Variants in OSBPL8 observed in about 807,000 individuals in gnomAD.
OSBPL8 encodes the protein oxysterol binding protein like 8.
OSBPL8 carries 59 observed loss-of-function variants against 125.5 expected under a neutral mutation model. That is an observed-to-expected ratio of 0.47 (90% CI 0.38 to 0.58). OSBPL8 has a LOEUF of 0.58. OSBPL8 is among the 20% of genes least tolerant of loss of function. OSBPL8 has a pLI of 0.00. For synonymous variants in OSBPL8, 330 were observed against 338.9 expected, an observed-to-expected ratio of 0.97 and a Z score of 0.29; for missense variants, 758 against 1,047.8, an observed-to-expected ratio of 0.72 and a Z score of 3.82.
chr12:76,503,540 GTTTT>G (rs952951445), intron 1 of OSBPL8, among the ~76,000 whole-genome samples: 1 of 151,546 alleles, frequency 6.6e-6, no homozygotes, highest in African/African-American at 2.4e-5. Flanking sequence ...TAACAAGTAT[GTTTT>G]TTTTTATTTT....
chr12:76,362,075 T>TG (rs1443432715), intron 21 of OSBPL8, among the ~76,000 whole-genome samples: 3 of 152,188 alleles, frequency 2.0e-5, no homozygotes, highest in Non-Finnish European at 2.9e-5. Context: ...TAATATGTAA[T>TG]AAGCAGGCAG....
intron 2 of OSBPL8, among the ~76,000 whole-genome samples, chr12:76,478,956 G>A (rs1565930303): frequency 6.6e-6 from 1 of 152,080 alleles, no homozygotes; most frequent in Non-Finnish European, 1.5e-5. Context: ...GTGATGGCAG[G>A]CGCCTGTAGT....
At chr12:76,364,753 G>A (rs1289816913) in intron 21 of OSBPL8, among the ~76,000 whole-genome samples, 2 of 152,088 alleles carry the variant, frequency 1.3e-5, no homozygotes, top group Admixed American at 1.3e-4. Flanking sequence ...TAAGTACCAC[G>A]TTCCTTTGAT....
intron 1 of OSBPL8, among the ~76,000 whole-genome samples, chr12:76,558,993 G>A (rs1252410335): frequency 1.3e-5 from 2 of 152,208 alleles, no homozygotes; most frequent in Non-Finnish European, 2.9e-5. Context: ...CTCTGGGGCT[G>A]TCACAGGAAA....
intron 4 of OSBPL8, among the ~76,000 whole-genome samples, chr12:76,438,803 C>T (rs1871820186): frequency 6.6e-6 from 1 of 152,156 alleles, no homozygotes; most frequent in Non-Finnish European, 1.5e-5. Context: ...CCCATCCTTG[C>T]ACTCCTGGAA....
intron 18 of OSBPL8, among the ~76,000 whole-genome samples, chr12:76,373,044 C>T (rs1190535260): frequency 6.6e-6 from 1 of 152,100 alleles, no homozygotes; most frequent in Non-Finnish European, 1.5e-5. Context: ...ATATACTCAC[C>T]TCATAGCGTT....
chr12:76,544,990 C>T (rs1240006925), intron 1 of OSBPL8, among the ~76,000 whole-genome samples: 1 of 152,128 alleles, frequency 6.6e-6, no homozygotes, highest in African/African-American at 2.4e-5. Flanking sequence ...TCCAAACTCT[C>T]CATTTTACTA....
At chr12:76,524,277 T>C (rs1364507980) in intron 1 of OSBPL8, among the ~76,000 whole-genome samples, 2 of 152,172 alleles carry the variant, frequency 1.3e-5, no homozygotes, top group Non-Finnish European at 1.5e-5. Context: ...AAAAATTTCA[T>C]AGAAAAAACT....
At chr12:76,414,577 G>A (rs1001158623) in intron 4 of OSBPL8, among the ~76,000 whole-genome samples, 3 of 150,524 alleles carry the variant, frequency 2.0e-5, no homozygotes, top group Non-Finnish European at 3.0e-5. Flanking sequence ...ACAGCCTCCT[G>A]AGTAGCTGAG....
chr12:76,417,075 A>AT (rs571398035), intron 4 of OSBPL8, among the ~76,000 whole-genome samples: 14 of 152,202 alleles, frequency 9.2e-5, no homozygotes, highest in South Asian at 2.1e-4. Context: ...ACTGTCATAT[A>AT]TTGCAAATCT....
chr12:76,435,636 G>A (rs1294561406), intron 4 of OSBPL8, among the ~76,000 whole-genome samples: 1 of 151,882 alleles, frequency 6.6e-6, no homozygotes, highest in Non-Finnish European at 1.5e-5. Flanking sequence ...AGTTGTACAA[G>A]AAATATATAT....
intron 2 of OSBPL8, among the ~76,000 whole-genome samples, chr12:76,472,935 A>G (rs1565925367): frequency 6.6e-6 from 1 of 152,056 alleles, no homozygotes; most frequent in Non-Finnish European, 1.5e-5. Flanking sequence ...CCCCCGGGGA[A>G]AGGGAGACTC....
At chr12:76,419,182 G>A (rs376830187) in intron 4 of OSBPL8, among the ~76,000 whole-genome samples, 6 of 150,490 alleles carry the variant, frequency 4.0e-5, no homozygotes, top group East Asian at 3.9e-4. Flanking sequence ...GCTGCAGTGC[G>A]CCGAGATCAC....
chr12:76,520,384 A>G (rs34658191), intron 1 of OSBPL8, among the ~76,000 whole-genome samples: 31,005 of 152,028 alleles, frequency 0.2, 3,397 homozygotes, highest in Non-Finnish European at 0.26. Context: ...CCCCCATTAG[A>G]TCCAAGGCTC....
At chr12:76,386,345 T>G in intron 13 of OSBPL8, 79 bp from the exon 14 acceptor site, 6 of 1,488,798 alleles carry the variant, frequency 4.0e-6, no homozygotes, top group Non-Finnish European at 5.4e-6. Flanking sequence ...AAAATGGGTT[T>G]AACTCTACCA....
rs181364643 is a variant in OSBPL8, at chr12:76,544,087, C to T, written c.-68+15310G>A. Among the ~76,000 whole-genome samples the T allele has an allele frequency of 5.0e-4, 76 of 152,260 alleles. 1 individual carries two copies. Among genetic ancestry groups the T allele is most frequent in the African/African-American group, 1.8e-3 (75 of 41,560 alleles). ...TATAACTTTAATACAGCAGAATTAA[C>T]ATACAAATAAAGGTCATCTCCATTC... On this transcript the variant is annotated intron_variant, in intron 1 of 23. Transcript: ENST00000261183.
chr12:76,434,085 C>T (rs1188443368), intron 4 of OSBPL8, among the ~76,000 whole-genome samples: 1 of 151,484 alleles, frequency 6.6e-6, no homozygotes, highest in East Asian at 1.9e-4. Flanking sequence ...GGAGGTATCA[C>T]ATTTGCTTAT....
chr12:76,356,130 T>A, intron 23 of OSBPL8, 109 bp from the exon 24 acceptor site: 1 of 694,288 alleles, frequency 1.4e-6, no homozygotes, highest in South Asian at 2.5e-5. Context: ...TAATAATTTT[T>A]AGTTGCTGGG....
At chr12:76,537,646 C>A (rs1211247888) in intron 1 of OSBPL8, among the ~76,000 whole-genome samples, 1 of 152,168 alleles carries the variant, frequency 6.6e-6, no homozygotes, top group Non-Finnish European at 1.5e-5. Context: ...CGGTGGCTCA[C>A]ACCTGTAATC....
Sources: allele counts gnomAD v4.1 joint callset (sites outside exome capture counted in the v4.1 genomes callset), GRCh38; gene constraint gnomAD v4.1.1; transcripts MANE v1.5; gene names NCBI Gene and HGNC (gene_info 2026-07-23, HGNC 2026-07-21).